Variants in HS6ST3 observed in about 807,000 individuals in gnomAD.
HS6ST3 encodes the protein heparan-sulfate 6-O-sulfotransferase 3.
HS6ST3 carries 12 observed loss-of-function variants against 36.7 expected under a neutral mutation model. The observed-to-expected ratio is 0.33, with a 90% CI of 0.21 to 0.53. The LOEUF (loss-of-function observed/expected upper bound fraction) is 0.53, where lower values mean the gene tolerates loss of function less well. HS6ST3 is among the 20% of genes least tolerant of loss of function. HS6ST3 has a pLI of 0.95. For missense variants in HS6ST3, 584 were observed against 640.9 expected (o/e 0.91, Z 0.96); for synonymous variants, 240 against 257.5 (o/e 0.93, Z 0.65).
chr13:96,577,849 T>C (rs942370360), intron 1 of HS6ST3, among the ~76,000 whole-genome samples: 9 of 152,216 alleles, frequency 5.9e-5, no homozygotes, highest in Non-Finnish European at 7.3e-5. Flanking sequence ...CAACAGATGC[T>C]GGAGAGGATG....
chr13:96,209,651 G>GCCCCACCTCTCATGCCACCCA (rs2054388982), intron 1 of HS6ST3, among the ~76,000 whole-genome samples: 1 of 152,076 alleles, frequency 6.6e-6, no homozygotes, highest in African/African-American at 2.4e-5. Flanking sequence ...CCTGCCACCT[G>GCCCCACCTCTCATGCCACCCA]CCCCACCTCT....
In HS6ST3 at chr13:96,508,096, C is replaced by G. The variant is rs145328523; in HGVS notation, c.708-324394C>G. 5.1e-3 allele frequency among the ~76,000 whole-genome samples: 774 copies of G among 152,126 alleles called. 7 individuals carry two copies. Among genetic ancestry groups the G allele is most frequent in the African/African-American group, 0.017 (718 of 41,546 alleles). ...GAGGAGGAAATTAGCACATTTGTAC[C>G]CTTTGATATCCACCGCCCACTATTT... On this transcript the variant is annotated intron_variant, in intron 1 of 1. Coordinates refer to ENST00000376705, the MANE Select transcript of HS6ST3 (RefSeq NM_153456.4).
intron 1 of HS6ST3, among the ~76,000 whole-genome samples, chr13:96,509,147 ATCT>A (rs2056038697): frequency 6.6e-6 from 1 of 151,926 alleles, no homozygotes; most frequent in Admixed American, 6.6e-5. Context: ...CCATTTGTAC[ATCT>A]TCTTTTGAGA....
chr13:96,478,794 G>T (rs1419051018), intron 1 of HS6ST3, among the ~76,000 whole-genome samples: 2 of 152,140 alleles, frequency 1.3e-5, no homozygotes, highest in African/African-American at 4.8e-5. Flanking sequence ...TTTTACAAAT[G>T]GAGATTTGGG....
At chr13:96,705,688 C>T (rs1875401495) in intron 1 of HS6ST3, among the ~76,000 whole-genome samples, 1 of 152,160 alleles carries the variant, frequency 6.6e-6, no homozygotes, top group African/African-American at 2.4e-5. Flanking sequence ...GCATTCCTTC[C>T]CAAAGCAAGT....
intron 1 of HS6ST3, among the ~76,000 whole-genome samples, chr13:96,397,311 G>A (rs764389284): frequency 6.6e-6 from 1 of 152,066 alleles, no homozygotes; most frequent in Non-Finnish European, 1.5e-5. Flanking sequence ...ATATGACTTA[G>A]CATTTATAAT....
intron 1 of HS6ST3, among the ~76,000 whole-genome samples, chr13:96,280,894 A>G (rs963092569): frequency 6.6e-6 from 1 of 152,188 alleles, no homozygotes; most frequent in Admixed American, 6.5e-5. Context: ...TCAATGTAAG[A>G]TTCAAGTCAA....
intron 1 of HS6ST3, among the ~76,000 whole-genome samples, chr13:96,438,296 A>G (rs538690487): frequency 1.3e-5 from 2 of 152,240 alleles, no homozygotes; most frequent in African/African-American, 4.8e-5. Flanking sequence ...GGTGTATTAC[A>G]TGCACAAATT....
In HS6ST3 at chr13:96,495,306, G is replaced by A. The variant is rs1248344835; in HGVS notation, c.708-337184G>A. On this transcript the variant is annotated intron_variant, in intron 1 of 1. Transcript: ENST00000376705. ...TTTATTTCTAGGGTCATTGTCGCTT[G>A]TAAGAAATATCCCTCTCCTTTTGTT... 1.4e-4 allele frequency among the ~76,000 whole-genome samples: 21 copies of A among 152,184 alleles called. 1 individual carries two copies. Among genetic ancestry groups the A allele is most frequent in the Admixed American group, 1.4e-3 (21 of 15,276 alleles).
Position 96,833,375 on chromosome 13 carries a change from C to G in HS6ST3, c.*177C>G, listed in dbSNP as rs776906009. ...CCAGCTGGAGATTATCCGTCTTGTT[C>G]TTTTTTTTCTTGACATTTTGCAATT... On this transcript the variant is annotated 3_prime_UTR_variant, in exon 2 of 2. Coordinates refer to ENST00000376705, the MANE Select transcript of HS6ST3 (RefSeq NM_153456.4). 1.5e-5 allele frequency: 9 copies of G among 601,108 alleles called. No homozygotes were observed. Among genetic ancestry groups the G allele is most frequent in the Non-Finnish European group, 2.5e-5 (9 of 354,512 alleles). The allele number at this position is 601,108 out of a possible 1,614,324, so 37.2% of individuals were successfully genotyped here. A position where few individuals can be genotyped will look rare whatever the true frequency, so the allele number is the denominator to read the frequency against.
At chr13:96,396,089 G>A (rs1054990906) in intron 1 of HS6ST3, among the ~76,000 whole-genome samples, 6 of 151,992 alleles carry the variant, frequency 3.9e-5, no homozygotes, top group Non-Finnish European at 4.4e-5. Context: ...AGAGGTGGGC[G>A]GATCACTTGA....
chr13:96,328,809 C>G (rs2055047830), intron 1 of HS6ST3, among the ~76,000 whole-genome samples: 2 of 152,106 alleles, frequency 1.3e-5, no homozygotes, highest in Non-Finnish European at 2.9e-5. Flanking sequence ...TCCATCTGGT[C>G]CTGGACTCTT....
intron 1 of HS6ST3, among the ~76,000 whole-genome samples, chr13:96,235,604 C>T (rs1231539144): frequency 6.6e-6 from 1 of 151,614 alleles, no homozygotes; most frequent in Admixed American, 6.6e-5. Context: ...GTTTTTTTTC[C>T]TTGTCCTCTA....
intron 1 of HS6ST3, among the ~76,000 whole-genome samples, chr13:96,273,441 A>G (rs1283299615): frequency 6.6e-6 from 1 of 151,950 alleles, no homozygotes; most frequent in Non-Finnish European, 1.5e-5. Context: ...TAGGGTAAGC[A>G]TATAATTTTT....
intron 1 of HS6ST3, among the ~76,000 whole-genome samples, chr13:96,739,430 A>G (rs969834615): frequency 5.9e-5 from 9 of 152,210 alleles, no homozygotes; most frequent in African/African-American, 2.2e-4. Context: ...GATATCTACA[A>G]GCCTCCCAAT....
chr13:96,515,344 C>A (rs1047302806), intron 1 of HS6ST3, among the ~76,000 whole-genome samples: 1 of 152,158 alleles, frequency 6.6e-6, no homozygotes, highest in Admixed American at 6.5e-5. Flanking sequence ...GGGATTGGAC[C>A]ATGATTTGAA....
intron 1 of HS6ST3, among the ~76,000 whole-genome samples, chr13:96,692,009 C>A (rs1874973772): frequency 6.6e-6 from 1 of 152,114 alleles, no homozygotes; most frequent in South Asian, 2.1e-4. Context: ...TATACTCCAA[C>A]TGCCATAACT....
chr13:96,139,309 A>G (rs1191672713), intron 1 of HS6ST3, among the ~76,000 whole-genome samples: 2 of 152,186 alleles, frequency 1.3e-5, no homozygotes, highest in East Asian at 1.9e-4. Context: ...AACTGAACGC[A>G]TTATGTGAGC....
At chr13:96,098,584 G>T (rs1298349551) in intron 1 of HS6ST3, among the ~76,000 whole-genome samples, 1 of 152,170 alleles carries the variant, frequency 6.6e-6, no homozygotes, top group African/African-American at 2.4e-5. Context: ...ACTCTGGGAG[G>T]CCAGGGGTAG....
Sources: allele counts gnomAD v4.1 joint callset (sites outside exome capture counted in the v4.1 genomes callset), GRCh38; gene constraint gnomAD v4.1.1; transcripts MANE v1.5; gene names NCBI Gene and HGNC (gene_info 2026-07-23, HGNC 2026-07-21).